The following SAMD11 variants were observed in gnomAD, a reference collection of about 807,000 sequenced individuals.
SAMD11 encodes sterile alpha motif domain-containing protein 11.
A neutral mutation model predicts 64.4 loss-of-function variants in SAMD11; 77 were observed. The observed-to-expected ratio is 1.20, with a 90% CI of 0.99 to 1.44. The LOEUF (loss-of-function observed/expected upper bound fraction) is 1.44, where lower values mean the gene tolerates loss of function less well. SAMD11 is among the 40% of genes most tolerant of loss of function. The probability of loss-of-function intolerance (pLI) is 0.00; values close to 1 mark genes in which losing one functional copy is unlikely to be tolerated. For missense variants in SAMD11, 1,402 were observed against 943.3 expected (o/e 1.49, Z -6.37); for synonymous variants, 658 against 421.9 (o/e 1.56, Z -6.86).
intron 2 of SAMD11, 119 bp from the exon 3 acceptor site, chr1:930,036 G>C (rs903240560): frequency 1.6e-6 from 2 of 1,215,728 alleles, no homozygotes; most frequent in Non-Finnish European, 2.3e-6. Flanking sequence ...TCGGCCTGGG[G>C]TGCGAGACCA....
At position 934,033 on chromosome 1, in the gene SAMD11, G is replaced by T. The variant is rs1165273609; in HGVS notation, c.843-1739G>T. ...AGGGGAGGCGGCTGCGTTACAGGTG[G>T]GCAGGGGAGGCGGCTGCGTTACAGG... is the stretch of plus-strand genomic sequence containing the variant. On this transcript the variant is annotated intron_variant, in intron 4 of 13. Coordinates refer to ENST00000616016, the MANE Select transcript of SAMD11 (RefSeq NM_001385641.1). Among the ~76,000 whole-genome samples, 62 of 100,112 alleles carry T rather than the reference G, an allele frequency of 6.2e-4. 6 individuals carry two copies. Among genetic ancestry groups the T allele is most frequent in the Admixed American group, 1.6e-3 (16 of 10,178 alleles). 65.7% of individuals were successfully genotyped at this position (100,112 alleles called of 152,430 possible).
At position 935,895 on chromosome 1, in the gene SAMD11, C is replaced by G. The variant is rs148386909; in HGVS notation, c.966C>G (p.Ala322=). The G allele has an allele frequency of 1.9e-6, 3 of 1,612,378 alleles. No individual in the cohort carries two copies. Among genetic ancestry groups the G allele is most frequent in the Non-Finnish European group, 2.5e-6 (3 of 1,179,586 alleles). The change falls in exon 5 of 14, where the codon GCC becomes GCG. Residue 322 remains alanine, a splice_region_variant and synonymous_variant. Coordinates refer to ENST00000616016, the MANE Select transcript of SAMD11 (RefSeq NM_001385641.1). The part of the protein sequence containing the change: ...RGSLEIGLRP[A]GDLLGKRLGR... ...GCCTGGAGATTGGCCTGCGACCCGC[C>G]GGTGAGGAGCACAGGGGGCCTGAGG... is the stretch of plus-strand genomic sequence containing the variant.
chr1:939,200 C>G (rs1004770182), intron 6 of SAMD11, 71 bp downstream of exon 6: 1 of 1,551,514 alleles, frequency 6.4e-7, no homozygotes, highest in Non-Finnish European at 8.7e-7. Flanking sequence ...CCCTGGACCT[C>G]GAGCAGGCAC....
At chr1:940,306 C>G (rs933870229) in intron 7 of SAMD11, 6 of 144,324 alleles carry the variant, frequency 4.2e-5, no homozygotes, top group Admixed American at 6.9e-5. Flanking sequence ...GCCCCCCCCC[C>G]CCGCCCCGCC....
At position 927,905 on chromosome 1, in the gene SAMD11, G is replaced by A. The variant is rs150284564; in HGVS notation, c.609+1892G>A. ...ACCTGCCCTCCAGGTGCCTTGGGGC[G>A]TGGCTGGGGTGCCGGTGTGTCCCCA... On this transcript the variant is annotated intron_variant, in intron 2 of 13. Transcript: ENST00000616016. 1.6e-3 allele frequency among the ~76,000 whole-genome samples: 247 copies of A among 152,380 alleles called. 1 individual carries two copies. The highest frequency in any genetic ancestry group is 5.7e-3 in the African/African-American group (238 of 41,598).
intron 5 of SAMD11, among the ~76,000 whole-genome samples, chr1:937,949 C>T (rs1410926104): frequency 6.6e-6 from 1 of 152,206 alleles, no homozygotes; most frequent in Non-Finnish European, 1.5e-5. Flanking sequence ...GACGGCAGGG[C>T]TTGTGGGGGG....
intron 5 of SAMD11, 93 bp downstream of exon 5, chr1:935,989 GC>G: frequency 7.3e-7 from 1 of 1,364,640 alleles, no homozygotes; most frequent in Non-Finnish European, 1.0e-6. Flanking sequence ...TTGGCAGGCA[GC>G]CAGAGAGGCA....
At chr1:936,127 C>A (rs1005377558) in intron 5 of SAMD11, among the ~76,000 whole-genome samples, 1 of 152,190 alleles carries the variant, frequency 6.6e-6, no homozygotes. Context: ...TTGGAGTAGC[C>A]GGGGCCCTGC....
intron 4 of SAMD11, among the ~76,000 whole-genome samples, chr1:931,337 C>T (rs548200939): frequency 6.6e-6 from 1 of 152,328 alleles, no homozygotes; most frequent in Admixed American, 6.5e-5. Flanking sequence ...GGCAGCAGCT[C>T]AGGTGTGAGT....
chr1:941,682 G>C (rs1197950103), intron 8 of SAMD11, among the ~76,000 whole-genome samples: 2 of 152,058 alleles, frequency 1.3e-5, no homozygotes, highest in Non-Finnish European at 2.9e-5. Context: ...CACAGACAAG[G>C]CCTCCGGCAC....
At chr1:937,578 C>T (rs1287624838) in intron 5 of SAMD11, among the ~76,000 whole-genome samples, 1 of 152,194 alleles carries the variant, frequency 6.6e-6, no homozygotes, top group African/African-American at 2.4e-5. Context: ...GAGCCAGGTT[C>T]CCCCAGCCTT....
At chr1:940,828 G>C (rs775572186) in intron 7 of SAMD11, among the ~76,000 whole-genome samples, 27 of 152,142 alleles carry the variant, frequency 1.8e-4, no homozygotes, top group Non-Finnish European at 3.7e-4. Context: ...TCGCTGCCCC[G>C]CAGGCTCTGT....
At position 943,051 on chromosome 1, in the gene SAMD11, C is replaced by T. The variant is rs993499004; in HGVS notation, c.2046C>T (p.Phe682=). The T allele has an allele frequency of 6.5e-7, 1 of 1,532,812 alleles. No homozygotes were observed. The highest frequency in any genetic ancestry group is 8.8e-7 in the Non-Finnish European group (1 of 1,141,338). 95.0% of individuals were successfully genotyped at this position (1,532,812 alleles called of 1,614,324 possible). ...TCCCTTATGCCGTCAGCCCCTACTT[C>T]CACACAGGTGGGCACCCCCACACTC... ...LGFPYAVSPY[F]HTGAVGGLSM... is the part of the protein sequence containing the mutation. The change falls in exon 11 of 14, where the codon TTC becomes TTT. Residue 682 remains phenylalanine, a synonymous_variant. Transcript: ENST00000616016.
At chr1:943,427 CACT>C in intron 12 of SAMD11, 50 bp downstream of exon 12, 2 of 1,438,906 alleles carry the variant, frequency 1.4e-6, no homozygotes, top group African/African-American at 1.4e-5. Context: ...GGCTGGCAGT[CACT>C]ACCTCCCTGG....
intron 8 of SAMD11, 176 bp from the exon 9 acceptor site, chr1:941,960 G>C (rs1296275709): frequency 5.5e-6 from 2 of 362,132 alleles, no homozygotes; most frequent in African/African-American, 2.1e-5. Flanking sequence ...CGCCGCCGCC[G>C]AGATTAATTG....
intron 5 of SAMD11, among the ~76,000 whole-genome samples, chr1:938,106 G>C (rs187043357): frequency 1.3e-5 from 2 of 151,984 alleles, no homozygotes; most frequent in Non-Finnish European, 1.5e-5. Flanking sequence ...CCCCCAGGGC[G>C]TGGAGTCAGG....
chr1:941,454 G>A (rs1641761673), intron 8 of SAMD11, 148 bp downstream of exon 8: 8 of 822,900 alleles, frequency 9.7e-6, no homozygotes, highest in South Asian at 7.4e-5. Flanking sequence ...GGGTGACACC[G>A]ATCTGGGCTG....
At chr1:935,738 C>T (rs768741371) in intron 4 of SAMD11, 34 bp from the exon 5 acceptor site, 89 of 1,612,094 alleles carry the variant, frequency 5.5e-5, no homozygotes, top group Non-Finnish European at 7.3e-5. Flanking sequence ...CGCAGCTGCC[C>T]ACGGGGTCAG....
intron 5 of SAMD11, among the ~76,000 whole-genome samples, 165 bp downstream of exon 5, chr1:936,061 C>T (rs967812743): frequency 6.6e-6 from 1 of 152,216 alleles, no homozygotes; most frequent in African/African-American, 2.4e-5. Context: ...TCCCAGCCAG[C>T]GGGGCAGACA....
Sources: allele counts gnomAD v4.1 joint callset (sites outside exome capture counted in the v4.1 genomes callset), GRCh38; gene constraint gnomAD v4.1.1; transcripts MANE v1.5; gene names NCBI Gene and HGNC (gene_info 2026-07-23, HGNC 2026-07-21).